ATXN7: variants seen among roughly 807,000 people sequenced by gnomAD.
ATXN7 encodes the protein ataxin-7.
A neutral mutation model predicts 70.5 loss-of-function variants in ATXN7; 12 were observed. The observed-to-expected ratio is 0.17, with a 90% CI of 0.11 to 0.28. The LOEUF (loss-of-function observed/expected upper bound fraction) is 0.28. ATXN7 is among the 10% of genes least tolerant of loss of function. The pLI is 1.00. For synonymous variants in ATXN7, 498 were observed against 448.7 expected, an observed-to-expected ratio of 1.11 and a Z score of -1.39; for missense variants, 1,256 against 1,131.7, an observed-to-expected ratio of 1.11 and a Z score of -1.58.
intron 2 of ATXN7, chr3:63,903,593 G>A (rs1425458987): frequency 6.6e-6 from 1 of 152,156 alleles, no homozygotes; most frequent in Non-Finnish European, 1.5e-5. Context: ...AAATGTGAAA[G>A]TAGCTAACAC....
At chr3:63,903,404 A>C (rs939976429) in intron 2 of ATXN7, among the ~76,000 whole-genome samples, 1 of 151,624 alleles carries the variant, frequency 6.6e-6, no homozygotes, top group African/African-American at 2.4e-5. Context: ...AAAAAAAAAA[A>C]AAAAAGGCAC....
chr3:63,998,396 T>C, intron 12 of ATXN7: 1 of 984,852 alleles, frequency 1.0e-6, no homozygotes, highest in Non-Finnish European at 1.2e-6. Flanking sequence ...ACACACACAC[T>C]TTTTTTTCTC....
chr3:63,901,867 T>G (rs1703654631), intron 2 of ATXN7: 2 of 152,212 alleles, frequency 1.3e-5, no homozygotes, highest in Admixed American at 1.3e-4. Context: ...CTTGAAAATG[T>G]TTTATTAAAT....
intron 1 of ATXN7, among the ~76,000 whole-genome samples, chr3:63,897,040 C>T (rs1443692664): frequency 2.6e-5 from 4 of 152,180 alleles, no homozygotes; most frequent in Non-Finnish European, 5.9e-5. Context: ...GTGGTGAATG[C>T]TTATCATGAA....
At chr3:63,913,783 T>C (rs190774368) in intron 4 of ATXN7, among the ~76,000 whole-genome samples, 6 of 152,288 alleles carry the variant, frequency 3.9e-5, no homozygotes, top group African/African-American at 1.4e-4. Context: ...TTTGGTCAAA[T>C]AAGCCTTTAC....
At position 63,988,239 on chromosome 3, in the gene ATXN7, C is replaced by T; in HGVS notation, c.1276C>T (p.His426Tyr). The part of the protein sequence containing the change: ...PAPPRTSQEP[H>Y]QNPHGVIPSE... ...CCCTCCTAGAACGTCACAGGAGCCG[C>T]ACCAAAACCCTCACGGAGTGATTCC... is the stretch of plus-strand genomic sequence containing the variant. The change falls in exon 9 of 13, where the codon CAC (histidine) becomes TAC (tyrosine). Residue 426 changes from histidine (H) to tyrosine (Y), a missense_variant. Transcript: ENST00000674280. The T allele has an allele frequency of 3.7e-6, 6 of 1,614,104 alleles. No individual in the cohort carries two copies. The highest frequency in any genetic ancestry group is 1.1e-5 in the South Asian group (1 of 91,070).
At chr3:63,988,632 A>G (rs1200185525) in intron 9 of ATXN7, among the ~76,000 whole-genome samples, 1 of 152,138 alleles carries the variant, frequency 6.6e-6, no homozygotes, top group Non-Finnish European at 1.5e-5. Context: ...CGGGTTAGTG[A>G]CAGGAACTCT....
chr3:63,882,385 C>CTTTTTT (rs1164256938), intron 1 of ATXN7, among the ~76,000 whole-genome samples: 2 of 128,840 alleles, frequency 1.6e-5, no homozygotes, highest in African/African-American at 2.8e-5. Context: ...GCCTTTGATT[C>CTTTTTT]TTTTTTTTTT....
chr3:63,930,715 A>T (rs1358978645), intron 4 of ATXN7, among the ~76,000 whole-genome samples: 1 of 152,030 alleles, frequency 6.6e-6, no homozygotes, highest in Admixed American at 6.6e-5. Context: ...TATTTTTATT[A>T]GAGACGGGGT....
chr3:63,995,837 A>G lies in ATXN7; in HGVS notation c.2015A>G (p.Gln672Arg). 1 of 1,614,222 alleles carries G rather than the reference A, an allele frequency of 6.2e-7. No individual in the cohort carries two copies. The highest frequency in any genetic ancestry group is 2.2e-5 in the East Asian group (1 of 44,874). ...VPSSPMSRKP[Q>R]KLKSSKSLRP... ...TCCTCCCCCATGTCCAGGAAACCTC[A>G]GAAATTGAAATCCAGCAAATCTTTG... Residue 672 changes from glutamine (Q) to arginine (R), a missense_variant, in exon 12 of 13, where the codon CAG becomes CGG. Gln to Arg is a conservative substitution (Grantham distance 43). Transcript: ENST00000674280.
At chr3:63,998,334 T>A in intron 12 of ATXN7, 5 of 985,280 alleles carry the variant, frequency 5.1e-6, no homozygotes, top group Non-Finnish European at 4.8e-6. Context: ...GCATGTGAAA[T>A]TTAGTTGAGA....
chr3:63,950,944 C>T (rs2074942871), intron 4 of ATXN7, among the ~76,000 whole-genome samples: 1 of 152,092 alleles, frequency 6.6e-6, no homozygotes, highest in South Asian at 2.1e-4. Flanking sequence ...TTCCTCTGGT[C>T]TTCAAGAGGT....
chr3:63,959,199 C>T (rs2075084309), intron 5 of ATXN7, among the ~76,000 whole-genome samples: 1 of 152,164 alleles, frequency 6.6e-6, no homozygotes. Context: ...TTGTATGAGA[C>T]TCGTAGCATT....
intron 7 of ATXN7, 155 bp from the exon 8 acceptor site, chr3:63,982,784 G>A: frequency 1.6e-6 from 1 of 641,650 alleles, no homozygotes; most frequent in Non-Finnish European, 2.7e-6. Context: ...CTTTGTTGCA[G>A]CACTCACACG....
intron 4 of ATXN7, among the ~76,000 whole-genome samples, chr3:63,939,557 CATAAAAGCA>C (rs2074720464): frequency 6.6e-6 from 1 of 152,146 alleles, no homozygotes; most frequent in South Asian, 2.1e-4. Context: ...TCTGCTCTGC[CATAAAAGCA>C]ATAAAAGCAC....
chr3:63,992,576 GT>G (rs1235935999), intron 11 of ATXN7, among the ~76,000 whole-genome samples: 2 of 152,198 alleles, frequency 1.3e-5, no homozygotes, highest in Non-Finnish European at 2.9e-5. Context: ...ATGACCAACA[GT>G]TTGGGCAAAG....
chr3:63,959,454 T>A (rs935811157), intron 5 of ATXN7, among the ~76,000 whole-genome samples: 1 of 152,214 alleles, frequency 6.6e-6, no homozygotes, highest in Non-Finnish European at 1.5e-5. Context: ...GTTGGCCTTT[T>A]GCCCTAAACT....
At chr3:63,933,589 G>C (rs1559637421) in intron 4 of ATXN7, among the ~76,000 whole-genome samples, 2 of 152,146 alleles carry the variant, frequency 1.3e-5, no homozygotes. Context: ...GAAAGTCTGT[G>C]ATGAGTGAAC....
intron 1 of ATXN7, chr3:63,864,502 G>C (rs995522110): frequency 2.0e-5 from 3 of 152,118 alleles, no homozygotes; most frequent in Non-Finnish European, 2.9e-5. Context: ...GTTCCAGGTC[G>C]CGCGGTTCCG....
Sources: gnomAD v4.1 joint callset for allele counts (sites outside exome capture counted in the v4.1 genomes callset) on GRCh38, gnomAD v4.1.1 for gene constraint, MANE v1.5 for transcripts, NCBI Gene and HGNC (gene_info 2026-07-23, HGNC 2026-07-21) for gene names.